The following NCOA5 variants were observed in gnomAD, a reference collection of about 807,000 sequenced individuals.
The protein encoded by NCOA5 is nuclear receptor coactivator 5.
In NCOA5, 12 loss-of-function variants were observed where a neutral mutation model predicts 59.0. That is an observed-to-expected ratio of 0.20 (90% CI 0.13 to 0.33). NCOA5 has a LOEUF of 0.33. Ranked by LOEUF, NCOA5 falls within the 10% of genes least tolerant of loss-of-function variation. NCOA5 has a pLI of 1.00. For synonymous variants in NCOA5, 270 were observed against 275.5 expected, an observed-to-expected ratio of 0.98 and a Z score of 0.20; for missense variants, 655 against 766.6, an observed-to-expected ratio of 0.85 and a Z score of 1.72.
chr20:46,077,581 C>A (rs1297503299), intron 2 of NCOA5, among the ~76,000 whole-genome samples: 7 of 152,120 alleles, frequency 4.6e-5, no homozygotes, highest in Non-Finnish European at 1.5e-5. Flanking sequence ...CCAGAGATCA[C>A]CAAGTATCAT....
intron 1 of NCOA5, among the ~76,000 whole-genome samples, chr20:46,089,404 G>C (rs942450126): frequency 2.6e-5 from 4 of 152,234 alleles, no homozygotes; most frequent in Non-Finnish European, 4.4e-5. Context: ...CCTTGGGCCC[G>C]GTTCGAATCC....
At chr20:46,074,272 C>G (rs1207537735) in intron 2 of NCOA5, among the ~76,000 whole-genome samples, 1 of 152,102 alleles carries the variant, frequency 6.6e-6, no homozygotes, top group Non-Finnish European at 1.5e-5. Flanking sequence ...GTAGTATGCA[C>G]GAATCAAAGT....
At chr20:46,065,618 T>C (rs1341163081) in intron 5 of NCOA5, among the ~76,000 whole-genome samples, 2 of 152,220 alleles carry the variant, frequency 1.3e-5, no homozygotes, top group African/African-American at 2.4e-5. Flanking sequence ...TTAAAATTTA[T>C]TTGCAAAGTT....
rs2084761601 is a variant in NCOA5, at chr20:46,061,465, A to G, written c.*835T>C. Reference sequence around the variant, plus strand: ...CTGGGGTTTTGAGCCAAAAGCCCAAAACAAATCACTGAAGAAACGGGTGTT... The same window carrying G: ...CTGGGGTTTTGAGCCAAAAGCCCAAGACAAATCACTGAAGAAACGGGTGTT... On this transcript the variant is annotated 3_prime_UTR_variant, in exon 8 of 8. Coordinates refer to ENST00000290231, the MANE Select transcript of NCOA5 (RefSeq NM_020967.3). 1 of 152,630 alleles carries G rather than the reference A, an allele frequency of 6.6e-6. No homozygotes were observed. Among genetic ancestry groups the G allele is most frequent in the African/African-American group, 2.4e-5 (1 of 41,434 alleles). 9.5% of individuals were successfully genotyped at this position (152,630 alleles called of 1,614,324 possible). A position where few individuals can be genotyped will look rare whatever the true frequency, so the allele number is the denominator to read the frequency against.
At chr20:46,083,597 G>C (rs779827289) in intron 1 of NCOA5, among the ~76,000 whole-genome samples, 37 of 152,190 alleles carry the variant, frequency 2.4e-4, no homozygotes, top group Admixed American at 3.9e-4. Context: ...ACCACCACTA[G>C]CTGTTCAAAG....
Position 46,062,862 on chromosome 20 carries a change from G to A in NCOA5, c.1178C>T (p.Ala393Val), listed in dbSNP as rs1160169495. ...PGPISRQPLGATSGASLKTQP... is the reference protein window; with the variant it reads ...PGPISRQPLGVTSGASLKTQP... The stretch of plus-strand genomic sequence containing the variant: ...TGTCTTCAGCGAGGCACCCGAGGTC[G>A]CCCCGAGTGGTTGGCGGGAAATCGG... The change falls in exon 8 of 8, where the codon GCG (alanine) becomes GTG (valine). Residue 393 changes from alanine to valine, a missense_variant. Ala to Val is a moderately conservative substitution (Grantham distance 64). This residue lies in a region of NCOA5 where 325 missense variants were observed against 353.2 expected (regional missense o/e 0.92). Coordinates refer to ENST00000290231, the MANE Select transcript of NCOA5 (RefSeq NM_020967.3). The A allele has an allele frequency of 1.1e-5, 16 of 1,519,082 alleles. No homozygotes were observed. Among genetic ancestry groups the A allele is most frequent in the Non-Finnish European group, 1.4e-5 (16 of 1,134,956 alleles). 94.1% of individuals were successfully genotyped at this position (1,519,082 alleles called of 1,614,324 possible).
rs1175783755 is a variant in NCOA5 at position 46,063,456 on chromosome 20, T to C, written c.1054A>G (p.Asn352Asp). The change falls in exon 7 of 8, where the codon AAC becomes GAC. Residue 352 changes from asparagine to aspartate, a missense_variant. Coordinates refer to ENST00000290231, the MANE Select transcript of NCOA5 (RefSeq NM_020967.3). ...GTCTCTTCAGCAGTGAGGTACCTGT[T>C]GTCTGCCAGCAGGTTGATGAGGCTC... is the stretch of plus-strand genomic sequence containing the variant. ...IQSLINLLAD[N>D]RYLTAEETDK... The C allele has an allele frequency of 2.5e-6, 4 of 1,614,100 alleles. No individual in the cohort carries two copies. Among genetic ancestry groups the C allele is most frequent in the Non-Finnish European group, 3.4e-6 (4 of 1,180,044 alleles).
intron 5 of NCOA5, among the ~76,000 whole-genome samples, chr20:46,065,588 A>G (rs1568877533): frequency 6.6e-6 from 1 of 152,196 alleles, no homozygotes; most frequent in Non-Finnish European, 1.5e-5. Flanking sequence ...CGCTAGAAAC[A>G]TGGGTTTGGA....
At chr20:46,067,275 C>G in intron 4 of NCOA5, 94 bp from the exon 5 acceptor site, 2 of 1,419,960 alleles carry the variant, frequency 1.4e-6, no homozygotes, top group Non-Finnish European at 1.9e-6. Context: ...TACTCTGAAT[C>G]AATCCTCTGG....
At chr20:46,085,197 A>T (rs959416407) in intron 1 of NCOA5, among the ~76,000 whole-genome samples, 4 of 147,192 alleles carry the variant, frequency 2.7e-5, no homozygotes, top group Non-Finnish European at 6.0e-5. Flanking sequence ...CACGCAGCTA[A>T]TTTTTTTTTT....
chr20:46,070,575 T>A (rs2084872740), intron 2 of NCOA5, 39 bp from the exon 3 acceptor site: 1 of 1,590,238 alleles, frequency 6.3e-7, no homozygotes, highest in Non-Finnish European at 8.6e-7. Context: ...ACAAAGAAAT[T>A]GAAAGTAGCC....
intron 1 of NCOA5, among the ~76,000 whole-genome samples, chr20:46,087,324 T>C (rs2085055118): frequency 1.3e-5 from 2 of 152,238 alleles, no homozygotes; most frequent in Admixed American, 1.3e-4. Context: ...TAAATTTTAT[T>C]AATCCTCACA....
At chr20:46,072,037 T>C (rs2084888100) in intron 2 of NCOA5, among the ~76,000 whole-genome samples, 2 of 152,190 alleles carry the variant, frequency 1.3e-5, no homozygotes, top group Admixed American at 6.5e-5. Flanking sequence ...AACTACTCAG[T>C]TACTCAAGCC....
chr20:46,063,039 A>G (rs917818101), intron 7 of NCOA5, 150 bp from the exon 8 acceptor site: 12 of 735,634 alleles, frequency 1.6e-5, no homozygotes, highest in Non-Finnish European at 2.1e-5. Flanking sequence ...CCGCTTCATG[A>G]TATGTGCTGT....
At chr20:46,085,641 A>G (rs2085037781) in intron 1 of NCOA5, among the ~76,000 whole-genome samples, 1 of 152,204 alleles carries the variant, frequency 6.6e-6, no homozygotes, top group African/African-American at 2.4e-5. Context: ...GAAGGACATA[A>G]TAAATTAGAA....
chr20:46,064,879 T>C (rs2084804519), intron 6 of NCOA5, 150 bp downstream of exon 6: 8 of 715,678 alleles, frequency 1.1e-5, no homozygotes, highest in East Asian at 5.2e-5. Flanking sequence ...TAAGTGACTA[T>C]GCAAGACTCT....
intron 5 of NCOA5, among the ~76,000 whole-genome samples, 193 bp downstream of exon 5, chr20:46,066,862 T>A (rs1299227390): frequency 6.6e-6 from 1 of 152,206 alleles, no homozygotes; most frequent in African/African-American, 2.4e-5. Context: ...AATTTTTGCT[T>A]AAATGAAAAA....
intron 1 of NCOA5, among the ~76,000 whole-genome samples, chr20:46,084,522 T>C (rs537115503): frequency 1.4e-4 from 21 of 152,172 alleles, no homozygotes; most frequent in Non-Finnish European, 2.9e-4. Flanking sequence ...GTTTCTGGGG[T>C]TTGCTATTAA....
chr20:46,063,331 C>T, intron 7 of NCOA5, 29 bp downstream of exon 7: 3 of 1,601,900 alleles, frequency 1.9e-6, no homozygotes, highest in Non-Finnish European at 2.5e-6. Flanking sequence ...AGAGTCAGAA[C>T]TTCACCTCGG....
Sources: gnomAD v4.1 joint callset for allele counts (sites outside exome capture counted in the v4.1 genomes callset) on GRCh38, gnomAD v4.1.1 for gene constraint, gnomAD v4.1.1 regional missense constraint, MANE v1.5 for transcripts, NCBI Gene and HGNC (gene_info 2026-07-23, HGNC 2026-07-21) for gene names.